Variants in RBM25 observed in about 807,000 individuals in gnomAD.
RBM25 encodes RNA binding motif protein 25, also known as RNA-binding protein 25.
RBM25 carries 19 observed loss-of-function variants against 120.7 expected under a neutral mutation model. The observed-to-expected ratio is 0.16, with a 90% CI of 0.11 to 0.23. RBM25 has a LOEUF of 0.23. Ranked by LOEUF, RBM25 falls within the 10% of genes least tolerant of loss-of-function variation. RBM25 has a pLI of 1.00. For synonymous variants in RBM25, 390 were observed against 326.7 expected (o/e 1.19, Z -2.09); for missense variants, 605 against 1,041.5 (o/e 0.58, Z 5.77).
intron 14 of RBM25, 109 bp from the exon 15 acceptor site, chr14:73,110,722 C>A: frequency 7.4e-7 from 1 of 1,350,742 alleles, no homozygotes; most frequent in Non-Finnish European, 9.9e-7. Flanking sequence ...AGCCACCATA[C>A]CTGGCCTTTT....
chr14:73,083,334 G>T (rs1895607618), intron 4 of RBM25, among the ~76,000 whole-genome samples, 160 bp from the exon 5 acceptor site: 1 of 152,132 alleles, frequency 6.6e-6, no homozygotes, highest in Non-Finnish European at 1.5e-5. Context: ...TTTCTTTCAT[G>T]TGATAAGTTT....
chr14:73,078,392 G>A (rs530185368), intron 4 of RBM25, among the ~76,000 whole-genome samples: 41 of 152,200 alleles, frequency 2.7e-4, no homozygotes, highest in African/African-American at 9.1e-4. Flanking sequence ...TTCAGAATCC[G>A]AGGTGGGAGA....
In RBM25 at chr14:73,107,886, C is replaced by A. The variant is rs761458709; in HGVS notation, c.1528C>A (p.Pro510Thr). 6.3e-7 allele frequency: 1 copy of A among 1,593,208 alleles called. No homozygotes were observed. Among genetic ancestry groups the A allele is most frequent in the South Asian group, 1.1e-5 (1 of 88,280 alleles). The change falls in exon 13 of 19, where the codon CCC becomes ACC. Residue 510 changes from proline (P) to threonine (T), a missense_variant. Around this residue, in one of 4 missense-constraint regions of RBM25, gnomAD observed 465 missense variants for 741.6 expected, o/e 0.63. Coordinates refer to ENST00000261973, the MANE Select transcript of RBM25 (RefSeq NM_021239.3). ...LEDYDDDRDD[P>T]KYYRGSALQK... is the part of the protein sequence containing the mutation. ...AGACTATGATGATGATAGAGATGACCCCAAATATTACAGGTAAAGAAGGCT... is the reference window on the plus strand; with the variant it reads ...AGACTATGATGATGATAGAGATGACACCAAATATTACAGGTAAAGAAGGCT...
At chr14:73,085,418 G>C (rs977392366) in intron 5 of RBM25, among the ~76,000 whole-genome samples, 1 of 149,042 alleles carries the variant, frequency 6.7e-6, no homozygotes. Flanking sequence ...AGTTGCCCCT[G>C]CATCTACTGT....
chr14:73,107,527 T>G (rs1421781891), intron 12 of RBM25: 2 of 275,038 alleles, frequency 7.3e-6, no homozygotes, highest in Non-Finnish European at 1.4e-5. Flanking sequence ...ATATTTTCTC[T>G]ATAGAAAATA....
chr14:73,114,269 T>C lies in RBM25; in HGVS notation c.2392-17T>C. On this transcript the variant is annotated splice_polypyrimidine_tract_variant and intron_variant, in intron 17 of 18. Transcript: ENST00000261973. ...TTTTTATTTATTTTTAATGTGACAA[T>C]TATTTTTCTCTTTTAGGTTATGGCT... 1 of 1,501,856 alleles carries C rather than the reference T, an allele frequency of 6.7e-7. No individual in the cohort carries two copies. Among genetic ancestry groups the C allele is most frequent in the East Asian group, 2.4e-5 (1 of 41,200 alleles). The allele number at this position is 1,501,856 out of a possible 1,614,324, so 93.0% of individuals were successfully genotyped here.
chr14:73,106,188 T>A lies in RBM25; in HGVS notation c.1378-8T>A, dbSNP rs374777515. On this transcript the variant is annotated splice_polypyrimidine_tract_variant and splice_region_variant and intron_variant, in intron 11 of 18. Coordinates refer to ENST00000261973, the MANE Select transcript of RBM25 (RefSeq NM_021239.3). ...ATTTTTAAAGCTTTGAAAATTTAAT[T>A]TTTTTAGCGCCTTAAGAATTGGGAA... 3.6e-5 allele frequency: 57 copies of A among 1,579,460 alleles called. No homozygotes were observed. The highest frequency in any genetic ancestry group is 4.4e-5 in the Non-Finnish European group (52 of 1,169,246).
At chr14:73,089,997 C>G (rs1293337282) in intron 6 of RBM25, among the ~76,000 whole-genome samples, 2 of 151,964 alleles carry the variant, frequency 1.3e-5, no homozygotes, top group Non-Finnish European at 2.9e-5. Context: ...GAAACTCTTG[C>G]TTATATTATG....
chr14:73,086,373 G>A lies in RBM25; in HGVS notation c.383-1628G>A, dbSNP rs185537746. The stretch of plus-strand genomic sequence containing the variant: ...GAATCGCTTCAACCCGGGAGGCAGA[G>A]TTTGCAGTGAGCCGAGATTGCACCA... On this transcript the variant is annotated intron_variant, in intron 5 of 18. Coordinates refer to ENST00000261973, the MANE Select transcript of RBM25 (RefSeq NM_021239.3). Among the ~76,000 whole-genome samples the A allele has an allele frequency of 2.2e-3, 326 of 151,220 alleles. 1 individual carries two copies. The highest frequency in any genetic ancestry group is 7.4e-3 in the African/African-American group (307 of 41,214).
At chr14:73,079,379 C>T (rs1308395583) in intron 4 of RBM25, among the ~76,000 whole-genome samples, 1 of 150,514 alleles carries the variant, frequency 6.6e-6, no homozygotes, top group African/African-American at 2.4e-5. Flanking sequence ...GTTGAGATGG[C>T]GCCACTGCAC....
intron 4 of RBM25, among the ~76,000 whole-genome samples, chr14:73,083,255 G>A (rs1895606114): frequency 6.6e-6 from 1 of 152,102 alleles, no homozygotes; most frequent in African/African-American, 2.4e-5. Flanking sequence ...TTTAATAAAA[G>A]GTAAACAATG....
At chr14:73,103,029 T>A in intron 9 of RBM25, 163 bp from the exon 10 acceptor site, 1 of 1,416,308 alleles carries the variant, frequency 7.1e-7, no homozygotes. Flanking sequence ...CTTTCTAGTC[T>A]TGTGATTGCT....
intron 18 of RBM25, 84 bp downstream of exon 18, chr14:73,114,417 T>C: frequency 1.0e-6 from 1 of 978,404 alleles, no homozygotes; most frequent in Non-Finnish European, 1.5e-6. Flanking sequence ...AGATGGGGTC[T>C]CACCACGTTG....
chr14:73,090,002 A>G (rs1169151733), intron 6 of RBM25, among the ~76,000 whole-genome samples: 1 of 151,972 alleles, frequency 6.6e-6, no homozygotes, highest in Non-Finnish European at 1.5e-5. Context: ...TCTTGCTTAT[A>G]TTATGTGAGA....
chr14:73,089,665 T>TTTTGTTTGTTTGTTAGTTTG (rs1895765686), intron 6 of RBM25, among the ~76,000 whole-genome samples: 1 of 145,476 alleles, frequency 6.9e-6, no homozygotes, highest in Non-Finnish European at 1.5e-5. Context: ...AAATGTAGGG[T>TTTTGTTTGTTTGTTAGTTTG]TTTGTTTGTT....
chr14:73,071,240 C>CAAA (rs11325196), intron 1 of RBM25, among the ~76,000 whole-genome samples: 3 of 108,826 alleles, frequency 2.8e-5, no homozygotes, highest in Admixed American at 1.0e-4. Context: ...GACTCTGTCT[C>CAAA]AAAAAAAAAA....
At position 73,077,547 on chromosome 14, in the gene RBM25, C is replaced by A; in HGVS notation, c.324+11C>A. ...AGACAACTCTTAGCTGTAAGTTAAA[C>A]TGTTTATTTTTCATTAAAAATTTTT... On this transcript the variant is annotated intron_variant, in intron 4 of 18. Transcript: ENST00000261973. The A allele has an allele frequency of 6.4e-7, 1 of 1,567,002 alleles. No individual in the cohort carries two copies. The highest frequency in any genetic ancestry group is 1.2e-5 in the South Asian group (1 of 83,320).
At chr14:73,059,465 A>G (rs1201738263) in intron 1 of RBM25, 1 of 152,166 alleles carries the variant, frequency 6.6e-6, no homozygotes, top group African/African-American at 2.4e-5. Flanking sequence ...GTTTTCCGGA[A>G]TAGACGTAGG....
At position 73,100,809 on chromosome 14, in the gene RBM25, T is replaced by C. The variant is rs1001520907; in HGVS notation, c.867+1059T>C. The C allele has an allele frequency of 1.2e-4, 19 of 152,430 alleles. 1 individual carries two copies. Among genetic ancestry groups the C allele is most frequent in the Admixed American group, 1.1e-3 (17 of 15,284 alleles). The allele number at this position is 152,430 out of a possible 1,614,324, so 9.4% of individuals were successfully genotyped here. On this transcript the variant is annotated intron_variant, in intron 9 of 18. Coordinates refer to ENST00000261973, the MANE Select transcript of RBM25 (RefSeq NM_021239.3). The stretch of plus-strand genomic sequence containing the variant: ...ACACAATGCTTTTTCAAGAATTAAA[T>C]GTGTCTAAGAGCACAAACATAATTC...
Sources: allele counts gnomAD v4.1 joint callset (sites outside exome capture counted in the v4.1 genomes callset), GRCh38; gene constraint gnomAD v4.1.1; regional missense constraint gnomAD v4.1.1; transcripts MANE v1.5; gene names NCBI Gene and HGNC (gene_info 2026-07-23, HGNC 2026-07-21).